Variants in FANCL observed in about 807,000 individuals in gnomAD.
The protein encoded by FANCL is FA complementation group L, also known as E3 ubiquitin-protein ligase FANCL.
In FANCL, 69 loss-of-function variants were observed where a neutral mutation model predicts 59.4. The observed-to-expected ratio is 1.16, with a 90% CI of 0.96 to 1.42. The LOEUF is 1.42. Ranked by LOEUF, FANCL falls within the 40% of genes most tolerant of loss-of-function variation. The pLI is 0.00. For synonymous variants in FANCL, 180 were observed against 147.1 expected, an observed-to-expected ratio of 1.22 and a Z score of -1.62; for missense variants, 519 against 447.2, an observed-to-expected ratio of 1.16 and a Z score of -1.45.
At chr2:58,206,997 C>G (rs934771064) in intron 5 of FANCL, among the ~76,000 whole-genome samples, 1 of 152,030 alleles carries the variant, frequency 6.6e-6, no homozygotes, top group East Asian at 1.9e-4. Context: ...TCCCTGCCCC[C>G]ACTCAACTCT....
In FANCL at chr2:58,198,602, T is replaced by C; in HGVS notation, c.532A>G (p.Thr178Ala). The C allele has an allele frequency of 6.2e-7, 1 of 1,613,476 alleles. No homozygotes were observed. Among genetic ancestry groups the C allele is most frequent in the Non-Finnish European group, 8.5e-7 (1 of 1,179,450 alleles). ...DFPVPFCASWTPQSSLISIYS... is the reference protein window; with the variant it reads ...DFPVPFCASWAPQSSLISIYS... ...ACCTGAGGAGAATTTACCTGAGGTGTCCAGGAGGCACAAAATGGAACAGGA... is the reference window on the plus strand; with the variant it reads ...ACCTGAGGAGAATTTACCTGAGGTGCCCAGGAGGCACAAAATGGAACAGGA... Residue 178 changes from threonine (T) to alanine (A), a missense_variant, in exon 7 of 14, where the codon ACA becomes GCA. By Grantham distance (58) the Thr-to-Ala change is moderately conservative. Coordinates refer to ENST00000233741, the MANE Select transcript of FANCL (RefSeq NM_018062.4).
chr2:58,188,770 GAA>G (rs78612128), intron 7 of FANCL, among the ~76,000 whole-genome samples: 3 of 135,262 alleles, frequency 2.2e-5, no homozygotes, highest in Admixed American at 1.5e-4. Flanking sequence ...AATTAGGAAG[GAA>G]AAAAAAAAAA....
At chr2:58,225,715 A>G (rs1692933728) in intron 4 of FANCL, among the ~76,000 whole-genome samples, 1 of 152,066 alleles carries the variant, frequency 6.6e-6, no homozygotes, top group Non-Finnish European at 1.5e-5. Flanking sequence ...CAAAGAAAGT[A>G]GAATATGTTA....
At chr2:58,168,921 A>G (rs916142028) in intron 7 of FANCL, among the ~76,000 whole-genome samples, 1 of 152,102 alleles carries the variant, frequency 6.6e-6, no homozygotes, top group African/African-American at 2.4e-5. Context: ...TGGGCAGGGC[A>G]CCTCTGAAAG....
intron 6 of FANCL, among the ~76,000 whole-genome samples, chr2:58,200,103 G>GAAA (rs777055093): frequency 1.9e-4 from 24 of 129,392 alleles, no homozygotes; most frequent in African/African-American, 6.8e-4. Context: ...TCTACTTCTG[G>GAAA]AAAAAAAAAA....
chr2:58,161,769 A>C (rs576114611), intron 11 of FANCL, 131 bp from the exon 12 acceptor site: 22 of 666,214 alleles, frequency 3.3e-5, no homozygotes, highest in East Asian at 5.6e-5. Flanking sequence ...GATAATTAAG[A>C]TATTCATCAC....
intron 7 of FANCL, among the ~76,000 whole-genome samples, chr2:58,171,676 G>A (rs553878049): frequency 1.3e-3 from 202 of 152,342 alleles, no homozygotes; most frequent in African/African-American, 4.2e-3. Flanking sequence ...CAGGGTGAGC[G>A]ACGCAGAAGA....
chr2:58,185,382 T>C (rs1196303897), intron 7 of FANCL, among the ~76,000 whole-genome samples: 1 of 152,120 alleles, frequency 6.6e-6, no homozygotes, highest in Non-Finnish European at 1.5e-5. Context: ...TTAATGCACC[T>C]GAAAGTTTCT....
chr2:58,224,927 T>C (rs1373925226), intron 4 of FANCL, among the ~76,000 whole-genome samples: 2 of 151,954 alleles, frequency 1.3e-5, no homozygotes, highest in African/African-American at 4.8e-5. Flanking sequence ...TGAAAAAACC[T>C]ACAAGTAACA....
At chr2:58,174,800 G>T (rs1341445706) in intron 7 of FANCL, among the ~76,000 whole-genome samples, 1 of 152,170 alleles carries the variant, frequency 6.6e-6, no homozygotes, top group Non-Finnish European at 1.5e-5. Context: ...GAGCAGAACT[G>T]AAGGAAATAG....
intron 9 of FANCL, 177 bp from the exon 10 acceptor site, chr2:58,163,251 A>G: frequency 1.4e-6 from 1 of 734,806 alleles, no homozygotes; most frequent in South Asian, 1.7e-5. Flanking sequence ...TAAAATAACT[A>G]TCATTATTGC....
At chr2:58,221,878 G>A (rs546086936) in intron 5 of FANCL, 64 bp downstream of exon 5, 3 of 1,181,648 alleles carry the variant, frequency 2.5e-6, no homozygotes, top group Non-Finnish European at 3.7e-6. Flanking sequence ...GCTAAAACTA[G>A]AAATACATTA....
At chr2:58,226,863 C>A in intron 3 of FANCL, 79 bp from the exon 4 acceptor site, 2 of 1,180,574 alleles carry the variant, frequency 1.7e-6, no homozygotes, top group South Asian at 1.3e-5. Context: ...AATGTAGGCC[C>A]AAGTGAATGT....
intron 7 of FANCL, among the ~76,000 whole-genome samples, chr2:58,179,960 CAT>C (rs1573600288): frequency 6.6e-6 from 1 of 152,084 alleles, no homozygotes; most frequent in East Asian, 1.9e-4. Flanking sequence ...GGCCAACAAA[CAT>C]ATGAAAAAAA....
chr2:58,239,166 G>C (rs1165828463), intron 1 of FANCL, among the ~76,000 whole-genome samples: 1 of 152,130 alleles, frequency 6.6e-6, no homozygotes, highest in Non-Finnish European at 1.5e-5. Context: ...GCTAAAACCA[G>C]AGAATGTGTG....
intron 7 of FANCL, among the ~76,000 whole-genome samples, chr2:58,172,643 C>A (rs1289760344): frequency 2.6e-5 from 4 of 152,146 alleles, no homozygotes; most frequent in African/African-American, 7.2e-5. Flanking sequence ...CTGTACATCA[C>A]CATCATCAAA....
chr2:58,190,220 T>C (rs1688794359), intron 7 of FANCL, among the ~76,000 whole-genome samples: 1 of 151,966 alleles, frequency 6.6e-6, no homozygotes, highest in African/African-American at 2.4e-5. Context: ...TTAAGTTATT[T>C]TGACTATAAC....
chr2:58,215,498 G>C (rs1691621263), intron 5 of FANCL, among the ~76,000 whole-genome samples: 1 of 152,062 alleles, frequency 6.6e-6, no homozygotes, highest in Non-Finnish European at 1.5e-5. Flanking sequence ...CTGATAAAAA[G>C]AAAATGGGGG....
At chr2:58,228,788 G>C (rs1693288729) in intron 3 of FANCL, among the ~76,000 whole-genome samples, 1 of 152,170 alleles carries the variant, frequency 6.6e-6, no homozygotes, top group South Asian at 2.1e-4. Context: ...GGCAAGGAAA[G>C]ATAAATAATT....
Sources: allele counts gnomAD v4.1 joint callset (sites outside exome capture counted in the v4.1 genomes callset), GRCh38; gene constraint gnomAD v4.1.1; transcripts MANE v1.5; gene names NCBI Gene and HGNC (gene_info 2026-07-23, HGNC 2026-07-21).